Variants in HDAC4 observed in about 807,000 individuals in gnomAD.
HDAC4 encodes the protein histone deacetylase 4.
A neutral mutation model predicts 135.1 loss-of-function variants in HDAC4; 16 were observed. That is an observed-to-expected ratio of 0.12 (90% CI 0.08 to 0.18). The LOEUF is 0.18. Among genes scored for constraint, HDAC4 ranks in the 10% least tolerant of loss-of-function variants. The pLI is 1.00. For synonymous variants in HDAC4, 685 were observed against 653.4 expected, an observed-to-expected ratio of 1.05 and a Z score of -0.74; for missense variants, 1,143 against 1,511.8, an observed-to-expected ratio of 0.76 and a Z score of 4.05.
At chr2:239,238,906 G>A (rs1286902964) in intron 2 of HDAC4, among the ~76,000 whole-genome samples, 5 of 152,174 alleles carry the variant, frequency 3.3e-5, no homozygotes, top group Non-Finnish European at 7.3e-5. Context: ...GGGCTGGTCC[G>A]CGTCCCACCT....
chr2:239,065,348 C>T (rs571754975), intron 24 of HDAC4, among the ~76,000 whole-genome samples: 4 of 152,344 alleles, frequency 2.6e-5, no homozygotes, highest in Admixed American at 6.5e-5. Flanking sequence ...AGCACTGACC[C>T]GAGGGCATCT....
chr2:239,126,582 C>G lies in HDAC4; in HGVS notation c.1407G>C (p.Arg469=). Residue 469 remains arginine, a synonymous_variant, in exon 12 of 27, where the codon CGG becomes CGC. Coordinates refer to ENST00000543185, the MANE Select transcript of HDAC4 (RefSeq NM_001378414.1). The part of the protein sequence containing the change: ...HKLRQHRPLG[R]TQSAPLPQNA... ...TCTGGGGCAGCGGGGCCGACTGGGT[C>G]CGCCCCAGTGGGCGGTGCTGCCGCA... 1 of 1,613,910 alleles carries G rather than the reference C, an allele frequency of 6.2e-7. No homozygotes were observed. Among genetic ancestry groups the G allele is most frequent in the Non-Finnish European group, 8.5e-7 (1 of 1,179,992 alleles).
At position 239,050,684 on chromosome 2, in the gene HDAC4, A is replaced by G. The variant is rs1476115706; in HGVS notation, c.*2413T>C. The G allele has an allele frequency of 6.6e-6, 1 of 152,540 alleles. No individual in the cohort carries two copies. The highest frequency in any genetic ancestry group is 1.5e-5 in the Non-Finnish European group (1 of 68,014). 9.4% of individuals were successfully genotyped at this position (152,540 alleles called of 1,614,324 possible). ...CCTGTAAACTTTACCAAACTCCGAA[A>G]CTCGGCTCTGGGTCCCTCCTGAGCA... On this transcript the variant is annotated 3_prime_UTR_variant, in exon 27 of 27. Coordinates refer to ENST00000543185, the MANE Select transcript of HDAC4 (RefSeq NM_001378414.1).
At chr2:239,107,349 T>C (rs911178203) in intron 15 of HDAC4, among the ~76,000 whole-genome samples, 2 of 152,204 alleles carry the variant, frequency 1.3e-5, no homozygotes, top group Non-Finnish European at 2.9e-5. Flanking sequence ...GCCCTCCTTG[T>C]ATGAGAACAA....
intron 2 of HDAC4, among the ~76,000 whole-genome samples, chr2:239,346,786 C>T (rs1692716506): frequency 7.6e-6 from 1 of 131,662 alleles, no homozygotes; most frequent in South Asian, 2.4e-4. Flanking sequence ...AACACATACA[C>T]CGTCTCACAC....
Position 239,298,183 on chromosome 2 carries a change from CA to C in HDAC4, c.22+54494del, listed in dbSNP as rs1388067153. The C allele has an allele frequency of 4.7e-6, 6 of 1,286,788 alleles. No individual in the cohort carries two copies. In the Admixed American group the frequency reaches 1.1e-4, roughly 25 times the overall value. The allele number at this position is 1,286,788 out of a possible 1,614,324, so 79.7% of individuals were successfully genotyped here. Reference sequence around the variant, plus strand: ...CTCCTCACCAAACATTTGCTGACAGCAAGCTCAGGGAACAGCAGAGGCCCGT... The same window carrying C: ...CTCCTCACCAAACATTTGCTGACAGCAGCTCAGGGAACAGCAGAGGCCCGT... On this transcript the variant is annotated intron_variant, in intron 2 of 26. Transcript: ENST00000543185.
intron 16 of HDAC4, among the ~76,000 whole-genome samples, chr2:239,098,971 GTA>G (rs1299147051): frequency 1.3e-5 from 2 of 152,322 alleles, no homozygotes; most frequent in East Asian, 3.9e-4. Flanking sequence ...CAACCTTCCT[GTA>G]AACAAAAGAA....
At chr2:239,113,178 A>C (rs1343122286) in intron 13 of HDAC4, among the ~76,000 whole-genome samples, 1 of 152,226 alleles carries the variant, frequency 6.6e-6, no homozygotes, top group Non-Finnish European at 1.5e-5. Context: ...TGAGCCCAGG[A>C]GGCGGAGGCT....
intron 5 of HDAC4, among the ~76,000 whole-genome samples, chr2:239,172,296 ATATATAT>A (rs1559551793): frequency 1.1e-4 from 11 of 99,198 alleles, no homozygotes; most frequent in East Asian, 2.7e-4. Flanking sequence ...GAAAAAAAAT[ATATATAT>A]ATATATATAT....
intron 3 of HDAC4, among the ~76,000 whole-genome samples, chr2:239,196,969 C>T (rs566540349): frequency 6.6e-6 from 1 of 152,200 alleles, no homozygotes; most frequent in South Asian, 2.1e-4. Context: ...CCCGGGCAGG[C>T]GCTCCCTCTG....
intron 3 of HDAC4, among the ~76,000 whole-genome samples, chr2:239,232,747 GCCAA>G (rs2047658559): frequency 1.3e-5 from 1 of 78,458 alleles, no homozygotes; most frequent in African/African-American, 6.0e-5. Context: ...CCCTCACCAA[GCCAA>G]GGTGGCCCTT....
chr2:239,327,920 A>G (rs2053517414), intron 2 of HDAC4, among the ~76,000 whole-genome samples: 1 of 152,114 alleles, frequency 6.6e-6, no homozygotes, highest in African/African-American at 2.4e-5. Context: ...CTCTCCCCGC[A>G]TACACACCAT....
chr2:239,211,956 T>C (rs1008036567), intron 3 of HDAC4, among the ~76,000 whole-genome samples: 6 of 152,076 alleles, frequency 3.9e-5, no homozygotes, highest in Admixed American at 3.9e-4. Context: ...AGCGTGAAGG[T>C]ACAAAGGGTT....
chr2:239,123,872 C>T (rs1005124198), intron 12 of HDAC4, among the ~76,000 whole-genome samples: 6 of 152,110 alleles, frequency 3.9e-5, no homozygotes, highest in Non-Finnish European at 7.4e-5. Flanking sequence ...CTCCTGTCTA[C>T]GTGTGCTAGG....
intron 7 of HDAC4, among the ~76,000 whole-genome samples, chr2:239,148,164 G>C (rs2041885232): frequency 6.6e-6 from 1 of 152,218 alleles, no homozygotes; most frequent in African/African-American, 2.4e-5. Flanking sequence ...GCAGAGAGAA[G>C]GAGGCACCTG....
At chr2:239,119,566 G>A (rs2039449359) in intron 12 of HDAC4, among the ~76,000 whole-genome samples, 1 of 151,306 alleles carries the variant, frequency 6.6e-6, no homozygotes, top group Non-Finnish European at 1.5e-5. Flanking sequence ...TGAGGGCGCG[G>A]GAACTGGAGC....
At chr2:239,105,874 G>C (rs570029082) in intron 15 of HDAC4, among the ~76,000 whole-genome samples, 191 of 152,296 alleles carry the variant, frequency 1.3e-3, no homozygotes, top group African/African-American at 4.4e-3. Context: ...TGGAAGTCTG[G>C]TGGGTGACGT....
At chr2:239,199,772 C>T (rs1483574038) in intron 3 of HDAC4, among the ~76,000 whole-genome samples, 1 of 150,048 alleles carries the variant, frequency 6.7e-6, no homozygotes, top group Non-Finnish European at 1.5e-5. Flanking sequence ...CTCGCTCTGT[C>T]ACCCAGGCTG....
At chr2:239,353,839 T>C (rs1693315573) in intron 1 of HDAC4, among the ~76,000 whole-genome samples, 1 of 152,244 alleles carries the variant, frequency 6.6e-6, no homozygotes. Flanking sequence ...CAAAATGTCA[T>C]TACTGCACGC....
Sources: gnomAD v4.1 joint callset for allele counts (sites outside exome capture counted in the v4.1 genomes callset) on GRCh38, gnomAD v4.1.1 for gene constraint, MANE v1.5 for transcripts, NCBI Gene and HGNC (gene_info 2026-07-23, HGNC 2026-07-21) for gene names.